IQGAP2: variants seen among roughly 807,000 people sequenced by gnomAD.
IQGAP2 encodes IQ motif containing GTPase activating protein 2, also known as ras GTPase-activating-like protein IQGAP2.
In IQGAP2, 173 loss-of-function variants were observed where a neutral mutation model predicts 201.3. The observed-to-expected ratio is 0.86, with a 90% CI of 0.76 to 0.98. The LOEUF is 0.98. Ranked by LOEUF, IQGAP2 falls within the 50% of genes least tolerant of loss-of-function variation. The probability of loss-of-function intolerance (pLI) is 0.00; values close to 1 mark genes in which losing one functional copy is unlikely to be tolerated. For synonymous variants in IQGAP2, 675 were observed against 673.9 expected (o/e 1.00, Z -0.03); for missense variants, 1,687 against 1,864.8 (o/e 0.90, Z 1.76).
chr5:76,441,719 A>G (rs1201548416), intron 1 of IQGAP2, among the ~76,000 whole-genome samples: 1 of 152,204 alleles, frequency 6.6e-6, no homozygotes, highest in African/African-American at 2.4e-5. Flanking sequence ...CAGATGAAGA[A>G]TCACTCTTGC....
At chr5:76,613,014 C>T (rs1488872491) in intron 13 of IQGAP2, among the ~76,000 whole-genome samples, 1 of 152,226 alleles carries the variant, frequency 6.6e-6, no homozygotes, top group Admixed American at 6.5e-5. Flanking sequence ...TGGTGGCGCC[C>T]TCTGCACTGC....
At chr5:76,503,169 C>CTTT (rs1757378735) in intron 2 of IQGAP2, among the ~76,000 whole-genome samples, 1 of 111,922 alleles carries the variant, frequency 8.9e-6, no homozygotes, top group South Asian at 2.9e-4. Context: ...TTTTTCTTTT[C>CTTT]TTTTCTTTTT....
intron 16 of IQGAP2, among the ~76,000 whole-genome samples, chr5:76,639,586 A>G (rs1243697857): frequency 6.6e-6 from 1 of 152,228 alleles, no homozygotes; most frequent in African/African-American, 2.4e-5. Flanking sequence ...AAGAGGAAAT[A>G]CTGATGATAA....
At chr5:76,666,093 A>G (rs1368104033) in intron 22 of IQGAP2, among the ~76,000 whole-genome samples, 1 of 152,252 alleles carries the variant, frequency 6.6e-6, no homozygotes, top group East Asian at 1.9e-4. Context: ...AGGCGTGGCT[A>G]ACCTCATGGA....
intron 1 of IQGAP2, among the ~76,000 whole-genome samples, chr5:76,433,360 C>G (rs13165962): frequency 0.85 from 129,658 of 152,130 alleles, 55,718 homozygotes; most frequent in Non-Finnish European, 0.9. Flanking sequence ...GGCTCTGGGT[C>G]ATTGGTGGTG....
At chr5:76,459,076 G>C (rs1045583499) in intron 1 of IQGAP2, among the ~76,000 whole-genome samples, 2 of 152,184 alleles carry the variant, frequency 1.3e-5, no homozygotes, top group African/African-American at 4.8e-5. Flanking sequence ...GATCCCACTA[G>C]ATGGGGTCAA....
At chr5:76,520,409 G>A (rs1228361346) in intron 2 of IQGAP2, among the ~76,000 whole-genome samples, 4 of 152,116 alleles carry the variant, frequency 2.6e-5, no homozygotes, top group Non-Finnish European at 1.5e-5. Context: ...AGATCTGCCC[G>A]CCTCAGCCTT....
chr5:76,414,898 C>G (rs1365571025), intron 1 of IQGAP2, among the ~76,000 whole-genome samples: 1 of 152,208 alleles, frequency 6.6e-6, no homozygotes, highest in Non-Finnish European at 1.5e-5. Context: ...TAGGGGAACT[C>G]TGAGAAAGAA....
chr5:76,505,317 C>G (rs946501462), intron 2 of IQGAP2, among the ~76,000 whole-genome samples: 1 of 152,194 alleles, frequency 6.6e-6, no homozygotes, highest in African/African-American at 2.4e-5. Context: ...AGGAAACCGT[C>G]GAAACTGCAA....
intron 1 of IQGAP2, among the ~76,000 whole-genome samples, chr5:76,461,233 TG>T (rs1754433459): frequency 6.6e-6 from 1 of 151,692 alleles, no homozygotes; most frequent in African/African-American, 2.4e-5. Context: ...CCAAGTGTGG[TG>T]GCGTGTGCCT....
At chr5:76,467,671 C>T (rs1045129938) in intron 2 of IQGAP2, among the ~76,000 whole-genome samples, 1 of 152,134 alleles carries the variant, frequency 6.6e-6, no homozygotes, top group Non-Finnish European at 1.5e-5. Context: ...TATGCCCATA[C>T]AAAAACTTGT....
chr5:76,658,717 A>G (rs1323340212), intron 21 of IQGAP2, 50 bp downstream of exon 21: 1 of 1,438,568 alleles, frequency 7.0e-7, no homozygotes, highest in Non-Finnish European at 9.8e-7. Context: ...GAAGACGCCT[A>G]CATACAGTCA....
intron 2 of IQGAP2, among the ~76,000 whole-genome samples, chr5:76,492,501 G>A (rs1475705029): frequency 1.3e-5 from 2 of 152,202 alleles, no homozygotes; most frequent in East Asian, 1.9e-4. Flanking sequence ...CAAGGTATTT[G>A]GGCAAAAGGT....
At chr5:76,590,343 A>T (rs2270907) in intron 7 of IQGAP2, 65 bp from the exon 8 acceptor site, 2 of 1,298,874 alleles carry the variant, frequency 1.5e-6, no homozygotes, top group Non-Finnish European at 2.1e-6. Flanking sequence ...CACAGGGTCA[A>T]TGCAACTGTC....
chr5:76,570,077 T>G (rs1745007664), intron 3 of IQGAP2, among the ~76,000 whole-genome samples: 1 of 152,226 alleles, frequency 6.6e-6, no homozygotes, highest in African/African-American at 2.4e-5. Flanking sequence ...GTGGGATGGT[T>G]TTTGTTTTCA....
At chr5:76,419,023 C>T (rs1580150048) in intron 1 of IQGAP2, among the ~76,000 whole-genome samples, 1 of 152,282 alleles carries the variant, frequency 6.6e-6, no homozygotes, top group African/African-American at 2.4e-5. Flanking sequence ...AACCTGGCTA[C>T]CCACTGAAAA....
intron 1 of IQGAP2, among the ~76,000 whole-genome samples, chr5:76,412,006 G>A (rs1751147870): frequency 6.6e-6 from 1 of 152,116 alleles, no homozygotes; most frequent in South Asian, 2.1e-4. Flanking sequence ...ATTGATAGAT[G>A]TCCTCCTTCT....
chr5:76,590,338 G>A, intron 7 of IQGAP2, 70 bp from the exon 8 acceptor site: 6 of 1,208,298 alleles, frequency 5.0e-6, no homozygotes, highest in South Asian at 4.6e-5. Context: ...GTTTACACAG[G>A]GTCAATGCAA....
At chr5:76,476,412 T>G (rs1755432571) in intron 2 of IQGAP2, among the ~76,000 whole-genome samples, 1 of 151,850 alleles carries the variant, frequency 6.6e-6, no homozygotes, top group Admixed American at 6.6e-5. Flanking sequence ...GTCCTGGGAG[T>G]CAAGGAAATT....
Sources: gnomAD v4.1 joint callset for allele counts (sites outside exome capture counted in the v4.1 genomes callset) on GRCh38, gnomAD v4.1.1 for gene constraint, MANE v1.5 for transcripts, NCBI Gene and HGNC (gene_info 2026-07-23, HGNC 2026-07-21) for gene names.